PITPNB: variants seen among roughly 807,000 people sequenced by gnomAD.
PITPNB encodes phosphatidylinositol transfer protein beta isoform.
Under a neutral mutation model 45.9 loss-of-function variants are expected in PITPNB, and 16 were observed. That is an observed-to-expected ratio of 0.35 (90% confidence interval 0.24 to 0.53). The LOEUF (loss-of-function observed/expected upper bound fraction) is 0.53, where lower values mean the gene tolerates loss of function less well. Ranked by LOEUF, PITPNB falls within the 20% of genes least tolerant of loss-of-function variation. PITPNB has a pLI of 0.93. For missense variants in PITPNB, 188 were observed against 330.5 expected (o/e 0.57, Z 3.34); for synonymous variants, 112 against 108.9 (o/e 1.03, Z -0.18).
Position 27,853,216 on chromosome 22 carries a change from TA to T in PITPNB, c.*485del, listed in dbSNP as rs1934075775. On this transcript the variant is annotated 3_prime_UTR_variant, in exon 12 of 12. Coordinates refer to ENST00000335272, the MANE Select transcript of PITPNB (RefSeq NM_012399.5). ...CTGACTTAAAAGAAGAGAAAAATAA[TA>T]AAAGGCTATATATGTTGGTCCACAG... is the stretch of plus-strand genomic sequence containing the variant. The T allele has an allele frequency of 6.0e-6, 1 of 167,464 alleles. No homozygotes were observed. The highest frequency in any genetic ancestry group is 1.3e-5 in the Non-Finnish European group (1 of 78,188). 10.4% of individuals were successfully genotyped at this position (167,464 alleles called of 1,614,324 possible). A position where few individuals can be genotyped will look rare whatever the true frequency, so the allele number is the denominator to read the frequency against.
At chr22:27,868,935 A>G (rs1247327615) in intron 8 of PITPNB, among the ~76,000 whole-genome samples, 1 of 152,208 alleles carries the variant, frequency 6.6e-6, no homozygotes, top group Non-Finnish European at 1.5e-5. Flanking sequence ...GTCTGGCTTA[A>G]ATGAAGGAAG....
In PITPNB at chr22:27,860,715, G is replaced by A. The variant is rs113585203; in HGVS notation, c.535-474C>T. 4.7e-3 allele frequency: 723 copies of A among 153,320 alleles called. 3 individuals are homozygous for A. The highest frequency in any genetic ancestry group is 0.016 in the African/African-American group (656 of 41,558). The allele number at this position is 153,320 out of a possible 1,614,324, so 9.5% of individuals were successfully genotyped here. A position where few individuals can be genotyped will look rare whatever the true frequency, so the allele number is the denominator to read the frequency against. On this transcript the variant is annotated intron_variant, in intron 8 of 11. Coordinates refer to ENST00000335272, the MANE Select transcript of PITPNB (RefSeq NM_012399.5). ...ACTGAGGTATTTTCAATAGAAGGGA[G>A]ATATGAAAAGTGATGCAACAGCAAA...
intron 8 of PITPNB, among the ~76,000 whole-genome samples, chr22:27,866,413 G>A (rs9306449): frequency 0.036 from 5,547 of 152,192 alleles, 155 homozygotes; most frequent in African/African-American, 0.069. Flanking sequence ...GTATACTAGA[G>A]GCACACAATG....
At chr22:27,884,711 C>A (rs1460764513) in intron 7 of PITPNB, among the ~76,000 whole-genome samples, 3 of 152,168 alleles carry the variant, frequency 2.0e-5, no homozygotes, top group East Asian at 3.9e-4. Context: ...AAATTTCATT[C>A]TCTCTTTAAA....
chr22:27,858,187 C>T (rs1460871703), intron 10 of PITPNB, among the ~76,000 whole-genome samples, 200 bp downstream of exon 10: 10 of 152,186 alleles, frequency 6.6e-5, no homozygotes, highest in Non-Finnish European at 1.5e-4. Context: ...TCTACCTTCA[C>T]GCAAGATGCT....
intron 3 of PITPNB, among the ~76,000 whole-genome samples, chr22:27,906,005 A>C (rs1360246949): frequency 2.0e-5 from 3 of 152,258 alleles, no homozygotes; most frequent in Non-Finnish European, 4.4e-5. Flanking sequence ...AGTGGAAAAC[A>C]GGATACAACA....
intron 4 of PITPNB, among the ~76,000 whole-genome samples, chr22:27,897,382 T>A (rs1935466463): frequency 6.6e-6 from 1 of 152,232 alleles, no homozygotes; most frequent in Admixed American, 6.5e-5. Flanking sequence ...CTAAAAAGAA[T>A]AATAATGTCA....
chr22:27,889,682 G>T (rs1935218191), intron 7 of PITPNB, among the ~76,000 whole-genome samples: 1 of 152,136 alleles, frequency 6.6e-6, no homozygotes, highest in Admixed American at 6.5e-5. Flanking sequence ...CTACTTCATT[G>T]TACTGGGCTT....
At chr22:27,892,954 C>T (rs1394881133) in intron 7 of PITPNB, among the ~76,000 whole-genome samples, 1 of 152,192 alleles carries the variant, frequency 6.6e-6, no homozygotes, top group East Asian at 1.9e-4. Context: ...GACCTTTGTT[C>T]AGGCAAGTTT....
intron 6 of PITPNB, among the ~76,000 whole-genome samples, chr22:27,895,468 C>T (rs1427036092): frequency 2.0e-5 from 3 of 151,552 alleles, no homozygotes; most frequent in Non-Finnish European, 2.9e-5. Flanking sequence ...TGCATGCCTG[C>T]AGTCCCAGCT....
Position 27,875,159 on chromosome 22 carries a change from T to C in PITPNB, c.457-1344A>G, listed in dbSNP as rs551085045. ...AAACAAAACTTTAAAGAAAGATAAGTCTGTAAATATGTGACCCAGAACTTG... is the reference window on the plus strand; with the variant it reads ...AAACAAAACTTTAAAGAAAGATAAGCCTGTAAATATGTGACCCAGAACTTG... On this transcript the variant is annotated intron_variant, in intron 7 of 11. Coordinates refer to ENST00000335272, the MANE Select transcript of PITPNB (RefSeq NM_012399.5). Among the ~76,000 whole-genome samples, 4 of 152,362 alleles carry C rather than the reference T, an allele frequency of 2.6e-5. 1 individual carries two copies. In the South Asian group the frequency reaches 8.3e-4, roughly 32 times the overall value.
At chr22:27,865,685 A>G (rs1315242489) in intron 8 of PITPNB, among the ~76,000 whole-genome samples, 1 of 152,152 alleles carries the variant, frequency 6.6e-6, no homozygotes, top group Admixed American at 6.6e-5. Context: ...CTGGCTTTAA[A>G]AAAATACAAA....
intron 7 of PITPNB, among the ~76,000 whole-genome samples, chr22:27,884,060 G>C (rs918526781): frequency 1.3e-5 from 2 of 152,186 alleles, no homozygotes; most frequent in African/African-American, 4.8e-5. Context: ...CTGCTTGCAC[G>C]AAGTGTTTCT....
intron 7 of PITPNB, among the ~76,000 whole-genome samples, chr22:27,887,814 C>T (rs746448379): frequency 6.6e-6 from 1 of 152,174 alleles, no homozygotes; most frequent in Non-Finnish European, 1.5e-5. Flanking sequence ...GAACCGCTAA[C>T]CTGCTTCTAA....
At chr22:27,874,395 G>C (rs568533516) in intron 7 of PITPNB, among the ~76,000 whole-genome samples, 1 of 152,230 alleles carries the variant, frequency 6.6e-6, no homozygotes, top group South Asian at 2.1e-4. Flanking sequence ...CTTCCTCATA[G>C]AAGGACTGCA....
At chr22:27,856,290 C>T (rs1234566631) in intron 10 of PITPNB, among the ~76,000 whole-genome samples, 1 of 152,200 alleles carries the variant, frequency 6.6e-6, no homozygotes, top group Non-Finnish European at 1.5e-5. Flanking sequence ...TGGGCTTTTA[C>T]TTGTCTATCT....
At chr22:27,906,665 T>C (rs968365653) in intron 3 of PITPNB, among the ~76,000 whole-genome samples, 2 of 152,164 alleles carry the variant, frequency 1.3e-5, no homozygotes, top group African/African-American at 4.8e-5. Context: ...CCTAAAACAC[T>C]TCCAATAACC....
chr22:27,892,991 G>A (rs933518173), intron 7 of PITPNB, among the ~76,000 whole-genome samples: 19 of 152,140 alleles, frequency 1.2e-4, no homozygotes, highest in African/African-American at 4.6e-4. Flanking sequence ...AGCAAAACCA[G>A]ACATTTAGCG....
At chr22:27,878,410 A>G (rs1011187017) in intron 7 of PITPNB, among the ~76,000 whole-genome samples, 3 of 152,252 alleles carry the variant, frequency 2.0e-5, no homozygotes, top group Admixed American at 2.0e-4. Flanking sequence ...TGCAAAAGCA[A>G]ATAACAGAGG....
Sources: gnomAD v4.1 joint callset for allele counts (sites outside exome capture counted in the v4.1 genomes callset) on GRCh38, gnomAD v4.1.1 for gene constraint, MANE v1.5 for transcripts, NCBI Gene and HGNC (gene_info 2026-07-23, HGNC 2026-07-21) for gene names.